Variants in PRKN observed in about 807,000 individuals in gnomAD.
The protein encoded by PRKN is E3 ubiquitin-protein ligase parkin.
A neutral mutation model predicts 59.5 loss-of-function variants in PRKN; 56 were observed. The ratio of observed to expected loss-of-function variants is 0.94; its 90% CI spans 0.76 to 1.18. PRKN has a LOEUF of 1.18. Ranked by LOEUF, PRKN falls within the 50% of genes most tolerant of loss-of-function variation. The probability of loss-of-function intolerance (pLI) is 0.00; values close to 1 mark genes in which losing one functional copy is unlikely to be tolerated. For missense variants in PRKN, 657 were observed against 596.4 expected (o/e 1.10, Z -1.06); for synonymous variants, 250 against 222.1 (o/e 1.13, Z -1.12).
chr6:162,252,014 G>A (rs780507079), intron 3 of PRKN, among the ~76,000 whole-genome samples: 2 of 152,102 alleles, frequency 1.3e-5, no homozygotes, highest in Non-Finnish European at 2.9e-5. Context: ...AAGTCAAAAG[G>A]TCGAAATTGC....
chr6:161,886,655 C>T (rs1795159365), intron 6 of PRKN, among the ~76,000 whole-genome samples: 1 of 151,702 alleles, frequency 6.6e-6, no homozygotes, highest in Non-Finnish European at 1.5e-5. Context: ...CGAGATCGCG[C>T]CACTGCACTC....
At chr6:161,741,303 G>A (rs1246666117) in intron 7 of PRKN, among the ~76,000 whole-genome samples, 3 of 152,154 alleles carry the variant, frequency 2.0e-5, no homozygotes, top group Non-Finnish European at 2.9e-5. Context: ...CCGAGGACCT[G>A]ATTCAAAGCC....
At chr6:161,641,563 T>C (rs181263959) in intron 7 of PRKN, among the ~76,000 whole-genome samples, 1 of 152,174 alleles carries the variant, frequency 6.6e-6, no homozygotes, top group East Asian at 1.9e-4. Context: ...ACTGACAGAG[T>C]AATAATAAAA....
chr6:161,846,702 C>T lies in PRKN; in HGVS notation c.735-60794G>A, dbSNP rs546700124. ...GGGTGGGTGGGTGGGAGACTCGGGT[C>T]TTGTGTCTCCAGATTTGGGTCCCAC... On this transcript the variant is annotated intron_variant, in intron 6 of 11. Transcript: ENST00000366898. 2.9e-3 allele frequency among the ~76,000 whole-genome samples: 448 copies of T among 152,136 alleles called. 3 individuals are homozygous for T. The highest frequency in any genetic ancestry group is 0.01 in the African/African-American group (420 of 41,476).
chr6:162,151,768 G>C (rs59052032), intron 4 of PRKN, among the ~76,000 whole-genome samples: 17,566 of 152,084 alleles, frequency 0.12, 1,535 homozygotes, highest in African/African-American at 0.24. Context: ...AAGTTATAAA[G>C]ATAAAAATAT....
In PRKN at chr6:161,369,116, C is replaced by T. The variant is rs549137965; in HGVS notation, c.1168-8911G>A. Among the ~76,000 whole-genome samples, 20 of 152,276 alleles carry T rather than the reference C, an allele frequency of 1.3e-4. No individual in the cohort carries two copies. The highest frequency in any genetic ancestry group is 5.2e-4 in the Admixed American group (8 of 15,292). On this transcript the variant is annotated intron_variant, in intron 10 of 11. Coordinates refer to ENST00000366898, the MANE Select transcript of PRKN (RefSeq NM_004562.3). The surrounding 1 kb of genome is among the most constrained non-coding windows in gnomAD (Gnocchi z 5.8). ...GGTTTAGACCTTTGACTGCCACTTCCGAGAGGGGATTTCTACCAGGAGGAG... is the reference window on the plus strand; with the variant it reads ...GGTTTAGACCTTTGACTGCCACTTCTGAGAGGGGATTTCTACCAGGAGGAG...
At chr6:162,013,234 T>A (rs1355451074) in intron 5 of PRKN, among the ~76,000 whole-genome samples, 2 of 152,170 alleles carry the variant, frequency 1.3e-5, no homozygotes, top group Non-Finnish European at 1.5e-5. Flanking sequence ...TGGGTTAACA[T>A]CTATTGGTCA....
chr6:162,613,871 G>GA (rs768953679), intron 1 of PRKN, among the ~76,000 whole-genome samples: 12,131 of 152,024 alleles, frequency 0.08, 663 homozygotes, highest in East Asian at 0.3. Flanking sequence ...AAATAAATGT[G>GA]TATTGCTTAG....
At chr6:162,133,034 A>G (rs543990773) in intron 4 of PRKN, among the ~76,000 whole-genome samples, 1 of 152,296 alleles carries the variant, frequency 6.6e-6, no homozygotes, top group East Asian at 1.9e-4. Flanking sequence ...CCACAATCAC[A>G]TCAGGACAGT....
intron 6 of PRKN, among the ~76,000 whole-genome samples, chr6:161,804,761 T>G (rs1736087730): frequency 6.6e-6 from 1 of 152,208 alleles, no homozygotes. Flanking sequence ...TGAAAAAGTT[T>G]CAAACATCTT....
At chr6:162,470,624 G>C (rs1298116075) in intron 1 of PRKN, among the ~76,000 whole-genome samples, 1 of 152,200 alleles carries the variant, frequency 6.6e-6, no homozygotes, top group Non-Finnish European at 1.5e-5. Flanking sequence ...ATACATTCTA[G>C]ATGGTTTGGG....
At chr6:161,844,045 C>G (rs1471037575) in intron 6 of PRKN, among the ~76,000 whole-genome samples, 1 of 151,994 alleles carries the variant, frequency 6.6e-6, no homozygotes, top group Non-Finnish European at 1.5e-5. Flanking sequence ...CTTAAGGCAA[C>G]AAGAAAATTT....
At chr6:161,658,540 C>G (rs1394396589) in intron 7 of PRKN, among the ~76,000 whole-genome samples, 1 of 152,180 alleles carries the variant, frequency 6.6e-6, no homozygotes, top group African/African-American at 2.4e-5. Context: ...GCAACAGGAT[C>G]TGGATAAAGG....
At chr6:161,931,368 G>A (rs753821956) in intron 6 of PRKN, among the ~76,000 whole-genome samples, 4 of 152,086 alleles carry the variant, frequency 2.6e-5, no homozygotes, top group Non-Finnish European at 5.9e-5. Flanking sequence ...AACCTGGGAG[G>A]TAGAGGTTGC....
At chr6:161,818,978 A>C (rs1051209637) in intron 6 of PRKN, among the ~76,000 whole-genome samples, 1 of 152,182 alleles carries the variant, frequency 6.6e-6, no homozygotes, top group African/African-American at 2.4e-5. Context: ...GAGACATTCA[A>C]TAAGTGGCAT....
intron 6 of PRKN, among the ~76,000 whole-genome samples, chr6:161,872,762 C>T (rs1474234690): frequency 6.6e-6 from 1 of 152,054 alleles, no homozygotes; most frequent in Admixed American, 6.5e-5. Flanking sequence ...AGCACCTGAG[C>T]CCTCTGCCTC....
In PRKN at chr6:161,379,591, C is replaced by T. The variant is rs185250640; in HGVS notation, c.1167+7203G>A. ...CTGCCAAGTCTCTACCCGGGAAGTG[C>T]CCCCAGCTGAAGAAAGCTGCTTCAC... On this transcript the variant is annotated intron_variant, in intron 10 of 11. Coordinates refer to ENST00000366898, the MANE Select transcript of PRKN (RefSeq NM_004562.3). This position sits in a 1 kb window ranked among gnomAD's most constrained non-coding sequence, Gnocchi z 4.9. Among the ~76,000 whole-genome samples, 1 of 152,156 alleles carries T rather than the reference C, an allele frequency of 6.6e-6. No homozygotes were observed. The highest frequency in any genetic ancestry group is 2.4e-5 in the African/African-American group (1 of 41,434).
At position 161,911,303 on chromosome 6, in the gene PRKN, CTGG is replaced by C. The variant is rs533670407; in HGVS notation, c.734+61996_734+61998del. 2.1e-3 allele frequency among the ~76,000 whole-genome samples: 314 copies of C among 152,256 alleles called. 1 individual carries two copies. The highest frequency in any genetic ancestry group is 4.3e-3 in the Admixed American group (65 of 15,290). Reference sequence around the variant, plus strand: ...CACAGTCGCTCCCCTTTGTGACAGGCTGGTGGAATGACTTACAGTTCAGCCCAC... The same window carrying C: ...CACAGTCGCTCCCCTTTGTGACAGGCTGGAATGACTTACAGTTCAGCCCAC... On this transcript the variant is annotated intron_variant, in intron 6 of 11. Transcript: ENST00000366898.
chr6:161,798,702 T>C (rs549415117), intron 6 of PRKN, among the ~76,000 whole-genome samples: 66 of 152,280 alleles, frequency 4.3e-4, no homozygotes, highest in Non-Finnish European at 7.6e-4. Context: ...TCCAGGAAGA[T>C]CAGAAAAGAT....
Sources: gnomAD v4.1 joint callset for allele counts (sites outside exome capture counted in the v4.1 genomes callset) on GRCh38, gnomAD v4.1.1 for gene constraint, Gnocchi (gnomAD v3.1) non-coding constraint, MANE v1.5 for transcripts, NCBI Gene and HGNC (gene_info 2026-07-23, HGNC 2026-07-21) for gene names.